Variants in CSMD1 observed in about 807,000 individuals in gnomAD.
CSMD1 encodes the protein CUB and sushi domain-containing protein 1.
In CSMD1, 213 loss-of-function variants were observed where a neutral mutation model predicts 417.5. That is an observed-to-expected ratio of 0.51 (90% CI 0.46 to 0.57). CSMD1 has a LOEUF of 0.57. Among genes scored for constraint, CSMD1 ranks in the 20% least tolerant of loss-of-function variants. The pLI is 0.00. For synonymous variants in CSMD1, 2,862 were observed against 1,736.8 expected (o/e 1.65, Z -16.11); for missense variants, 6,923 against 4,529.7 (o/e 1.53, Z -15.17).
intron 3 of CSMD1, among the ~76,000 whole-genome samples, chr8:4,236,793 A>G (rs946808052): frequency 2.6e-5 from 4 of 152,216 alleles, no homozygotes; most frequent in Non-Finnish European, 5.9e-5. Context: ...ATTACTAAAT[A>G]GTAGCCCAAA....
intron 5 of CSMD1, among the ~76,000 whole-genome samples, chr8:3,962,278 G>T (rs1812382872): frequency 6.6e-6 from 1 of 151,660 alleles, no homozygotes; most frequent in African/African-American, 2.4e-5. Flanking sequence ...TTCTGTCCTG[G>T]AACTGCCCTA....
At chr8:3,572,621 A>G (rs1024510876) in intron 10 of CSMD1, among the ~76,000 whole-genome samples, 3 of 152,240 alleles carry the variant, frequency 2.0e-5, no homozygotes, top group African/African-American at 4.8e-5. Flanking sequence ...TTTCTTTAAA[A>G]GAAATTCAAG....
At chr8:3,403,724 G>C (rs1309705084) in intron 15 of CSMD1, among the ~76,000 whole-genome samples, 1 of 152,196 alleles carries the variant, frequency 6.6e-6, no homozygotes, top group Non-Finnish European at 1.5e-5. Flanking sequence ...TTCCAAGTCA[G>C]TGAAATATGC....
chr8:3,524,184 TACTC>T (rs569637574), intron 10 of CSMD1, among the ~76,000 whole-genome samples: 58 of 140,732 alleles, frequency 4.1e-4, no homozygotes, highest in South Asian at 3.2e-3. Context: ...CACATGCACA[TACTC>T]ACATATGCAC....
intron 3 of CSMD1, among the ~76,000 whole-genome samples, chr8:4,106,164 C>G (rs1028849049): frequency 3.3e-5 from 5 of 152,204 alleles, no homozygotes; most frequent in African/African-American, 2.4e-5. Context: ...TGAGTACAGA[C>G]CAGCGTCTGT....
At chr8:3,764,453 ATGCG>A (rs1353956729) in intron 5 of CSMD1, among the ~76,000 whole-genome samples, 1 of 152,272 alleles carries the variant, frequency 6.6e-6, no homozygotes, top group East Asian at 1.9e-4. Context: ...CCCTGAAGAC[ATGCG>A]TGTGAGTGAG....
rs147142008 is a variant in CSMD1 at position 4,884,211 on chromosome 8, G to A, written c.85+110121C>T. 2.3e-3 allele frequency among the ~76,000 whole-genome samples: 351 copies of A among 151,962 alleles called. 5 individuals are homozygous for A. Among genetic ancestry groups the A allele is most frequent in the African/African-American group, 8.1e-3 (336 of 41,418 alleles). ...ATTGAGCTGTAAGAACTTCGTGTGT[G>A]TGTGTGTGTGTACACACACACATAC... On this transcript the variant is annotated intron_variant, in intron 1 of 69. Transcript: ENST00000635120.
rs182550687 is a variant in CSMD1, at chr8:3,373,216, G to C, written c.2783-3846C>G. 87 of 152,200 alleles carry C rather than the reference G, an allele frequency of 5.7e-4. 1 individual carries two copies. The highest frequency in any genetic ancestry group is 5.2e-3 in the Admixed American group (80 of 15,284). 9.4% of individuals were successfully genotyped at this position (152,200 alleles called of 1,614,324 possible). A position where few individuals can be genotyped will look rare whatever the true frequency, so the allele number is the denominator to read the frequency against. Reference sequence around the variant, plus strand: ...TTATCCTCTGTCTTCATATCATCAGGAAAAGTTACTTGATCATTTATTGGG... The same window carrying C: ...TTATCCTCTGTCTTCATATCATCAGCAAAAGTTACTTGATCATTTATTGGG... On this transcript the variant is annotated intron_variant, in intron 18 of 69. Transcript: ENST00000635120.
At chr8:3,100,582 G>T (rs898449963) in intron 46 of CSMD1, among the ~76,000 whole-genome samples, 1 of 152,148 alleles carries the variant, frequency 6.6e-6, no homozygotes, top group African/African-American at 2.4e-5. Context: ...TCACCATAGG[G>T]GAGCACCTGT....
At chr8:3,897,697 C>T (rs575141842) in intron 5 of CSMD1, among the ~76,000 whole-genome samples, 4 of 152,100 alleles carry the variant, frequency 2.6e-5, no homozygotes, top group African/African-American at 9.7e-5. Flanking sequence ...CTTTATCATG[C>T]CCATAATCCC....
intron 3 of CSMD1, among the ~76,000 whole-genome samples, chr8:4,392,674 T>C (rs1328029682): frequency 6.6e-6 from 1 of 151,698 alleles, no homozygotes; most frequent in Middle Eastern, 3.2e-3. Context: ...TATTTTTTTT[T>C]GAGATGGACT....
chr8:3,072,450 G>A (rs1053832746), intron 49 of CSMD1, among the ~76,000 whole-genome samples: 2 of 152,138 alleles, frequency 1.3e-5, no homozygotes, highest in Non-Finnish European at 2.9e-5. Flanking sequence ...ATATGCCAAG[G>A]AGGTATTATT....
At chr8:4,756,009 A>T (rs1486434112) in intron 1 of CSMD1, among the ~76,000 whole-genome samples, 1 of 152,214 alleles carries the variant, frequency 6.6e-6, no homozygotes, top group Non-Finnish European at 1.5e-5. Flanking sequence ...GTGAGTATTA[A>T]GTCATTTGCT....
intron 3 of CSMD1, among the ~76,000 whole-genome samples, chr8:4,147,927 A>T (rs929930979): frequency 6.6e-6 from 1 of 152,048 alleles, no homozygotes; most frequent in South Asian, 2.1e-4. Context: ...CTGCAGCACA[A>T]ACTCTGGGGT....
At chr8:4,150,356 T>A (rs991744077) in intron 3 of CSMD1, among the ~76,000 whole-genome samples, 1 of 151,828 alleles carries the variant, frequency 6.6e-6, no homozygotes, top group African/African-American at 2.4e-5. Flanking sequence ...TCTAACTCAG[T>A]GTCTGCAGCT....
chr8:3,804,135 T>C (rs551079496), intron 5 of CSMD1, among the ~76,000 whole-genome samples: 1 of 152,180 alleles, frequency 6.6e-6, no homozygotes, highest in African/African-American at 2.4e-5. Flanking sequence ...TTTCACCATG[T>C]TGGCCAGGCT....
At chr8:3,062,843 G>C (rs1441721270) in intron 49 of CSMD1, among the ~76,000 whole-genome samples, 1 of 152,166 alleles carries the variant, frequency 6.6e-6, no homozygotes, top group Non-Finnish European at 1.5e-5. Flanking sequence ...CTCAGCCAAA[G>C]CTGTGCAAGT....
intron 5 of CSMD1, among the ~76,000 whole-genome samples, chr8:3,959,769 T>C (rs982978219): frequency 1.3e-5 from 2 of 152,158 alleles, no homozygotes; most frequent in Non-Finnish European, 2.9e-5. Flanking sequence ...TGTCTTCAGT[T>C]TTGTGATTGG....
chr8:4,944,822 G>A (rs1563833097), intron 1 of CSMD1, among the ~76,000 whole-genome samples: 1 of 151,910 alleles, frequency 6.6e-6, no homozygotes, highest in East Asian at 1.9e-4. Context: ...GGTGCGTGGT[G>A]GCTACTGTGA....
Sources: gnomAD v4.1 joint callset for allele counts (sites outside exome capture counted in the v4.1 genomes callset) on GRCh38, gnomAD v4.1.1 for gene constraint, MANE v1.5 for transcripts, NCBI Gene and HGNC (gene_info 2026-07-23, HGNC 2026-07-21) for gene names.